Variants in AK8 observed in about 807,000 individuals in gnomAD.
The protein encoded by AK8 is ATP-AMP transphosphorylase 8.
Under a neutral mutation model 54.6 loss-of-function variants are expected in AK8, and 44 were observed. The observed-to-expected ratio is 0.81, with a 90% CI of 0.63 to 1.04. AK8 has a LOEUF of 1.04. Among genes scored for constraint, AK8 ranks in the 50% least tolerant of loss-of-function variants. The probability of loss-of-function intolerance (pLI) is 0.00; values close to 1 mark genes in which losing one functional copy is unlikely to be tolerated. For missense variants in AK8, 555 were observed against 613.6 expected, an observed-to-expected ratio of 0.90 and a Z score of 1.01; for synonymous variants, 239 against 245.6, an observed-to-expected ratio of 0.97 and a Z score of 0.25.
rs2519756 is a variant in AK8, at chr9:132,875,707, C to A, written c.85-508G>T. 6.6e-5 allele frequency among the ~76,000 whole-genome samples: 10 copies of A among 152,346 alleles called. 1 individual carries two copies. The highest frequency in any genetic ancestry group is 5.9e-4 in the Admixed American group (9 of 15,312). Reference sequence around the variant, plus strand: ...TGCCTGCGGGCATCGCCCTGTTCCACGCCTCACCCTGTCCCTACTCACCAG... The same window carrying A: ...TGCCTGCGGGCATCGCCCTGTTCCAAGCCTCACCCTGTCCCTACTCACCAG... On this transcript the variant is annotated intron_variant, in intron 1 of 12. Coordinates refer to ENST00000298545, the MANE Select transcript of AK8 (RefSeq NM_152572.3).
intron 11 of AK8, among the ~76,000 whole-genome samples, chr9:132,735,938 C>T (rs1368475940): frequency 6.6e-6 from 1 of 152,210 alleles, no homozygotes; most frequent in Non-Finnish European, 1.5e-5. Flanking sequence ...CTTACTCATA[C>T]CTAGTTGGTA....
intron 10 of AK8, among the ~76,000 whole-genome samples, chr9:132,812,530 T>TGCCCACTGGGATGACAGGTGAGCCGCCGC (rs1554795852): frequency 0.012 from 1,622 of 130,706 alleles, 116 homozygotes; most frequent in African/African-American, 0.044. Context: ...TGAGCTACCG[T>TGCCCACTGGGATGACAGGTGAGCCGCCGC]GCCCACTGGG....
chr9:132,754,800 G>GTTT (rs1239318902), intron 11 of AK8, among the ~76,000 whole-genome samples: 42 of 139,358 alleles, frequency 3.0e-4, no homozygotes, highest in African/African-American at 8.8e-4. Context: ...TTGTTTTTTG[G>GTTT]TTTTTTTTTT....
intron 11 of AK8, among the ~76,000 whole-genome samples, chr9:132,735,351 G>A (rs1003898039): frequency 6.6e-6 from 1 of 152,152 alleles, no homozygotes; most frequent in Non-Finnish European, 1.5e-5. Context: ...ATCCATGGAC[G>A]GATTGGGTAA....
intron 11 of AK8, among the ~76,000 whole-genome samples, chr9:132,745,215 G>A (rs1215336027): frequency 6.6e-6 from 1 of 152,172 alleles, no homozygotes; most frequent in East Asian, 1.9e-4. Context: ...ATAATGCGGG[G>A]CGGCTGTATA....
intron 11 of AK8, among the ~76,000 whole-genome samples, chr9:132,763,585 A>G (rs1320078397): frequency 6.6e-6 from 1 of 152,262 alleles, no homozygotes; most frequent in East Asian, 1.9e-4. Context: ...AAGGCAGCCA[A>G]CTGTTCAAAC....
intron 10 of AK8, among the ~76,000 whole-genome samples, chr9:132,810,007 G>A (rs910974041): frequency 1.3e-5 from 2 of 152,214 alleles, no homozygotes; most frequent in African/African-American, 4.8e-5. Context: ...TGCCAGACCT[G>A]GGTGGTTCCA....
chr9:132,790,140 T>G lies in AK8; in HGVS notation c.1121+2494A>C, dbSNP rs1839885351. On this transcript the variant is annotated intron_variant, in intron 11 of 12. Transcript: ENST00000298545. This position sits in a 1 kb window ranked among gnomAD's most constrained non-coding sequence, Gnocchi z 4.1. ...CTATAGGAACAAAAGACTGGCTTACTAATATTAACATAATTTATAATACCA... is the reference window on the plus strand; with the variant it reads ...CTATAGGAACAAAAGACTGGCTTACGAATATTAACATAATTTATAATACCA... 6.6e-6 allele frequency among the ~76,000 whole-genome samples: 1 copy of G among 152,220 alleles called. No homozygotes were observed. Among genetic ancestry groups the G allele is most frequent in the African/African-American group, 2.4e-5 (1 of 41,454 alleles).
At chr9:132,849,094 G>C (rs530998346) in intron 5 of AK8, among the ~76,000 whole-genome samples, 179 of 152,094 alleles carry the variant, frequency 1.2e-3, no homozygotes, top group Admixed American at 4.3e-3. Context: ...ATTTTTAGTA[G>C]AGACGAGGTT....
intron 8 of AK8, among the ~76,000 whole-genome samples, chr9:132,825,278 T>G (rs1232384037): frequency 6.6e-6 from 1 of 152,248 alleles, no homozygotes; most frequent in South Asian, 2.1e-4. Flanking sequence ...ACAGAGAGAA[T>G]TCTGCATTCC....
intron 5 of AK8, among the ~76,000 whole-genome samples, chr9:132,833,435 G>A (rs752727818): frequency 7.9e-5 from 12 of 152,184 alleles, no homozygotes; most frequent in Non-Finnish European, 1.8e-4. Flanking sequence ...AGGAGTGGCT[G>A]GATGTGGAGG....
intron 6 of AK8, 47 bp downstream of exon 6, chr9:132,828,598 T>C (rs1163552095): frequency 6.4e-7 from 1 of 1,566,114 alleles, no homozygotes; most frequent in Admixed American, 1.8e-5. Flanking sequence ...TGGCCACCCC[T>C]TGGGGCTGCA....
At chr9:132,844,291 T>A (rs1344862134) in intron 5 of AK8, among the ~76,000 whole-genome samples, 2 of 108,248 alleles carry the variant, frequency 1.8e-5, no homozygotes, top group African/African-American at 6.3e-5. Flanking sequence ...AGAGACTGCA[T>A]TAGACCAAAA....
chr9:132,834,906 G>A (rs559655435), intron 5 of AK8, among the ~76,000 whole-genome samples: 13 of 148,634 alleles, frequency 8.7e-5, no homozygotes, highest in Middle Eastern at 7.0e-3. Flanking sequence ...CCACTCTGTC[G>A]CCCAGACTGC....
chr9:132,836,648 G>A (rs1212488333), intron 5 of AK8, among the ~76,000 whole-genome samples: 1 of 152,154 alleles, frequency 6.6e-6, no homozygotes, highest in Non-Finnish European at 1.5e-5. Flanking sequence ...CTCCCAAAGT[G>A]CTGGGATTAC....
At chr9:132,848,869 A>G (rs185827043) in intron 5 of AK8, among the ~76,000 whole-genome samples, 1 of 147,184 alleles carries the variant, frequency 6.8e-6, no homozygotes, top group African/African-American at 2.5e-5. Flanking sequence ...ATGAAAGTCT[A>G]TGGGGAAGCT....
At chr9:132,847,975 G>A (rs895295946) in intron 5 of AK8, among the ~76,000 whole-genome samples, 7 of 152,054 alleles carry the variant, frequency 4.6e-5, no homozygotes, top group Non-Finnish European at 1.0e-4. Context: ...AAACAGATGG[G>A]CATGGTGGCA....
At chr9:132,844,319 A>G (rs1283848278) in intron 5 of AK8, among the ~76,000 whole-genome samples, 1 of 150,582 alleles carries the variant, frequency 6.6e-6, no homozygotes, top group Non-Finnish European at 1.5e-5. Flanking sequence ...AAAAAAAAGA[A>G]AAAAGAAAAA....
chr9:132,847,432 C>T (rs1392715391), intron 5 of AK8, among the ~76,000 whole-genome samples: 1 of 152,180 alleles, frequency 6.6e-6, no homozygotes, highest in Non-Finnish European at 1.5e-5. Flanking sequence ...TTCTCCCTTC[C>T]TGTGTGCTTA....
Sources: allele counts gnomAD v4.1 joint callset (sites outside exome capture counted in the v4.1 genomes callset), GRCh38; gene constraint gnomAD v4.1.1; non-coding constraint Gnocchi (gnomAD v3.1); transcripts MANE v1.5; gene names NCBI Gene and HGNC (gene_info 2026-07-23, HGNC 2026-07-21).